AMPD2: variants seen among roughly 807,000 people sequenced by gnomAD.
AMPD2 encodes adenosine monophosphate deaminase 2, also known as AMP deaminase 2.
In AMPD2, 52 loss-of-function variants were observed where a neutral mutation model predicts 91.3. That is an observed-to-expected ratio of 0.57 (90% confidence interval 0.46 to 0.72). The LOEUF (loss-of-function observed/expected upper bound fraction) is 0.72. Among genes scored for constraint, AMPD2 ranks in the 30% least tolerant of loss-of-function variants. AMPD2 has a pLI of 0.00. For synonymous variants in AMPD2, 455 were observed against 456.4 expected (o/e 1.00, Z 0.04); for missense variants, 822 against 1,122.3 (o/e 0.73, Z 3.82).
chr1:109,631,481 C>T lies in AMPD2; in HGVS notation c.*329C>T. The T allele has an allele frequency of 7.0e-6, 3 of 429,482 alleles. No homozygotes were observed. The highest frequency in any genetic ancestry group is 4.7e-5 in the South Asian group (2 of 42,232). 26.6% of individuals were successfully genotyped at this position (429,482 alleles called of 1,614,324 possible). A position where few individuals can be genotyped will look rare whatever the true frequency, so the allele number is the denominator to read the frequency against. The stretch of plus-strand genomic sequence containing the variant: ...GCTTGGGATGGTTGTGGGGGGCTGG[C>T]CCCTCTAGCCTTTCCGGTCCTTCCT... On this transcript the variant is annotated 3_prime_UTR_variant, in exon 19 of 19. Coordinates refer to ENST00000528667, the MANE Select transcript of AMPD2 (RefSeq NM_001368809.2).
intron 1 of AMPD2, 147 bp from the exon 2 acceptor site, chr1:109,620,767 T>C: frequency 1.0e-5 from 13 of 1,282,706 alleles, no homozygotes; most frequent in Non-Finnish European, 1.3e-5. Flanking sequence ...CCAGGCTAGC[T>C]GGAAGGACCA....
chr1:109,625,851 C>G lies in AMPD2; in HGVS notation c.353+59C>G, dbSNP rs1307305691. 62 of 1,602,538 alleles carry G rather than the reference C, an allele frequency of 3.9e-5. No individual in the cohort carries two copies. The highest frequency in any genetic ancestry group is 3.4e-5 in the Non-Finnish European group (40 of 1,172,724). ...CATACCCTTCCAGACCCTTTCAGAG[C>G]CCCTTTTCTGCCTCTTTCCCTCGCA... On this transcript the variant is annotated intron_variant, in intron 4 of 18. Coordinates refer to ENST00000528667, the MANE Select transcript of AMPD2 (RefSeq NM_001368809.2). This position sits in a 1 kb window ranked among gnomAD's most constrained non-coding sequence, Gnocchi z 4.0.
chr1:109,625,915 G>A lies in AMPD2; in HGVS notation c.353+123G>A. 2 of 1,456,368 alleles carry A rather than the reference G, an allele frequency of 1.4e-6. No individual in the cohort carries two copies. Among genetic ancestry groups the A allele is most frequent in the Middle Eastern group, 1.8e-4 (1 of 5,652 alleles). 90.2% of individuals were successfully genotyped at this position (1,456,368 alleles called of 1,614,324 possible). A position where few individuals can be genotyped will look rare whatever the true frequency, so the allele number is the denominator to read the frequency against. On this transcript the variant is annotated intron_variant, in intron 4 of 18. Coordinates refer to ENST00000528667, the MANE Select transcript of AMPD2 (RefSeq NM_001368809.2). This position sits in a 1 kb window ranked among gnomAD's most constrained non-coding sequence, Gnocchi z 4.0. ...GGTCTGCACAGGGAGCATAGAGTGG[G>A]CTTTGGAGTCGGGCTGCTGGGTTCT...
At chr1:109,627,345 G>GA (rs1440699830) in intron 8 of AMPD2, 29 bp downstream of exon 8, 5 of 1,610,726 alleles carry the variant, frequency 3.1e-6, no homozygotes, top group Non-Finnish European at 4.2e-6. Context: ...ATGTTGGGGG[G>GA]ATGCAGCGTG....
chr1:109,626,457 G>C, intron 6 of AMPD2, 30 bp downstream of exon 6: 1 of 1,563,216 alleles, frequency 6.4e-7, no homozygotes, highest in Non-Finnish European at 8.7e-7. Flanking sequence ...TGGGTGAGTC[G>C]CCATCACCTA....
Position 109,620,167 on chromosome 1 carries a change from T to G in AMPD2, c.-374T>G. The stretch of plus-strand genomic sequence containing the variant: ...CCAGGGCAGGGGCCCTTGGAGTGAC[T>G]TGGCTGGGGTCTGTGGCCCGATCCC... On this transcript the variant is annotated 5_prime_UTR_variant, in exon 1 of 19. Coordinates refer to ENST00000528667, the MANE Select transcript of AMPD2 (RefSeq NM_001368809.2). 67 of 1,533,406 alleles carry G rather than the reference T, an allele frequency of 4.4e-5. No homozygotes were observed. Among genetic ancestry groups the G allele is most frequent in the Non-Finnish European group, 5.7e-5 (63 of 1,107,484 alleles). The allele number at this position is 1,533,406 out of a possible 1,614,324, so 95.0% of individuals were successfully genotyped here.
At chr1:109,623,427 C>A (rs1271259434) in intron 2 of AMPD2, among the ~76,000 whole-genome samples, 1 of 152,172 alleles carries the variant, frequency 6.6e-6, no homozygotes, top group Non-Finnish European at 1.5e-5. Flanking sequence ...TCAGGGGTTG[C>A]AGGTCTAGGG....
At position 109,628,265 on chromosome 1, in the gene AMPD2, G is replaced by A. The variant is rs139411744; in HGVS notation, c.1263G>A (p.Leu421=). Residue 421 remains leucine (L), a synonymous_variant, in exon 11 of 19, where the codon CTG becomes CTA. Transcript: ENST00000528667. This position sits in a 1 kb window ranked among gnomAD's most constrained non-coding sequence, Gnocchi z 7.1. ...LTAYDLSVDT[L]DVHADRNTFH... Reference sequence around the variant, plus strand: ...CCTACGACCTGAGTGTGGACACGCTGGATGTGCATGCGGTCTGTGCCAGTG... The same window carrying A: ...CCTACGACCTGAGTGTGGACACGCTAGATGTGCATGCGGTCTGTGCCAGTG... The A allele has an allele frequency of 1.9e-6, 3 of 1,613,600 alleles. No individual in the cohort carries two copies. The highest frequency in any genetic ancestry group is 2.5e-6 in the Non-Finnish European group (3 of 1,179,686).
chr1:109,620,205 C>G lies in AMPD2; in HGVS notation c.-336C>G. On this transcript the variant is annotated 5_prime_UTR_variant, in exon 1 of 19. Coordinates refer to ENST00000528667, the MANE Select transcript of AMPD2 (RefSeq NM_001368809.2). ...GTGGCCCGATCCCCCTGCCGTCCCT[C>G]AGGACCCGGGCTTTCTGCTGTACAG... 6.2e-7 allele frequency: 1 copy of G among 1,613,134 alleles called. No homozygotes were observed. The highest frequency in any genetic ancestry group is 8.5e-7 in the Non-Finnish European group (1 of 1,179,158).
rs1186333051 is a variant in AMPD2, at chr1:109,624,123, G to A, written c.92-1180G>A. 2 of 972,742 alleles carry A rather than the reference G, an allele frequency of 2.1e-6. No homozygotes were observed. Among genetic ancestry groups the A allele is most frequent in the Non-Finnish European group, 2.4e-6 (2 of 818,446 alleles). The allele number at this position is 972,742 out of a possible 1,614,324, so 60.3% of individuals were successfully genotyped here. On this transcript the variant is annotated intron_variant, in intron 2 of 18. Transcript: ENST00000528667. This position sits in a 1 kb window ranked among gnomAD's most constrained non-coding sequence, Gnocchi z 5.2. ...CAGGCAGGGGCCGGGGTGCGCAGGG[G>A]ACGGGGTCCTGGATCTGGGGCAGGC...
At chr1:109,620,500 C>T in intron 1 of AMPD2, 5 of 1,206,342 alleles carry the variant, frequency 4.1e-6, no homozygotes, top group Non-Finnish European at 4.3e-6. Context: ...AGGGGGTCTC[C>T]TGGCCTTCCT....
chr1:109,627,142 C>T (rs758887454), intron 7 of AMPD2, 33 bp from the exon 8 acceptor site: 58 of 1,610,896 alleles, frequency 3.6e-5, no homozygotes, highest in Admixed American at 5.0e-5. Context: ...TTGGAAGAGC[C>T]CTGCTCTGAC....
intron 2 of AMPD2, chr1:109,622,198 G>A (rs758264717): frequency 2.9e-5 from 13 of 456,130 alleles, no homozygotes; most frequent in South Asian, 1.2e-4. Flanking sequence ...ACTGGTGCAA[G>A]GTCTCTACTG....
At chr1:109,621,451 G>C in intron 2 of AMPD2, 185 bp downstream of exon 2, 1 of 660,322 alleles carries the variant, frequency 1.5e-6, no homozygotes, top group Non-Finnish European at 2.7e-6. Flanking sequence ...GGGGGCGGGG[G>C]GTGGATCTGA....
At chr1:109,627,633 C>A in intron 9 of AMPD2, 115 bp downstream of exon 9, 1 of 1,521,472 alleles carries the variant, frequency 6.6e-7, no homozygotes. Context: ...TTGCTGAGCC[C>A]TCGACTTCCC....
chr1:109,630,108 C>A, intron 16 of AMPD2, 125 bp from the exon 17 acceptor site: 1 of 1,338,474 alleles, frequency 7.5e-7, no homozygotes, highest in Non-Finnish European at 1.0e-6. Flanking sequence ...TCACCCTTTG[C>A]ACATCAGGCC....
At chr1:109,621,419 G>A in intron 2 of AMPD2, 153 bp downstream of exon 2, 1 of 429,610 alleles carries the variant, frequency 2.3e-6, no homozygotes, top group Non-Finnish European at 4.7e-6. Context: ...AGCCGGCTTG[G>A]AAGGTGGGGT....
At chr1:109,621,836 T>C (rs1650301106) in intron 2 of AMPD2, among the ~76,000 whole-genome samples, 1 of 152,252 alleles carries the variant, frequency 6.6e-6, no homozygotes, top group Admixed American at 6.5e-5. Flanking sequence ...TGAGCCTCCT[T>C]AGGAGTATGG....
chr1:109,621,445 G>T, intron 2 of AMPD2, 179 bp downstream of exon 2: 1 of 638,796 alleles, frequency 1.6e-6, no homozygotes, highest in Non-Finnish European at 2.8e-6. Flanking sequence ...GTGGTGGGGG[G>T]CGGGGGGTGG....
Sources: gnomAD v4.1 joint callset for allele counts (sites outside exome capture counted in the v4.1 genomes callset) on GRCh38, gnomAD v4.1.1 for gene constraint, Gnocchi (gnomAD v3.1) non-coding constraint, MANE v1.5 for transcripts, NCBI Gene and HGNC (gene_info 2026-07-23, HGNC 2026-07-21) for gene names.